The following AK5 variants were observed in gnomAD, a reference collection of about 807,000 sequenced individuals.
AK5 encodes the protein adenylate kinase 5.
Under a neutral mutation model 69.5 loss-of-function variants are expected in AK5, and 27 were observed. The ratio of observed to expected loss-of-function variants is 0.39; its 90% CI spans 0.29 to 0.54. AK5 has a LOEUF of 0.54. Ranked by LOEUF, AK5 falls within the 20% of genes least tolerant of loss-of-function variation. The pLI is 0.71. For missense variants in AK5, 531 were observed against 700.4 expected, an observed-to-expected ratio of 0.76 and a Z score of 2.73; for synonymous variants, 260 against 244.4, an observed-to-expected ratio of 1.06 and a Z score of -0.60.
At chr1:77,456,028 C>A (rs1653462055) in intron 8 of AK5, among the ~76,000 whole-genome samples, 1 of 152,182 alleles carries the variant, frequency 6.6e-6, no homozygotes, top group Non-Finnish European at 1.5e-5. Flanking sequence ...TGAAAGTAAC[C>A]CATAAAATCA....
intron 6 of AK5, among the ~76,000 whole-genome samples, chr1:77,353,624 C>G (rs1484637559): frequency 1.3e-5 from 2 of 152,236 alleles, no homozygotes; most frequent in East Asian, 1.9e-4. Context: ...ACCCACTCTG[C>G]GTCTCACTCT....
chr1:77,515,381 T>G, intron 10 of AK5, among the ~76,000 whole-genome samples: 1 of 151,730 alleles, frequency 6.6e-6, no homozygotes, highest in African/African-American at 2.4e-5. Context: ...AAGAAAGGAG[T>G]TTTAAGTATG....
intron 5 of AK5, among the ~76,000 whole-genome samples, chr1:77,301,422 G>A (rs1659335842): frequency 6.6e-6 from 1 of 152,212 alleles, no homozygotes; most frequent in Non-Finnish European, 1.5e-5. Context: ...GGAAGGCCGG[G>A]AAGTAGAGTC....
At chr1:77,391,267 T>C (rs79414222) in intron 6 of AK5, among the ~76,000 whole-genome samples, 12,700 of 151,432 alleles carry the variant, frequency 0.084, 709 homozygotes, top group South Asian at 0.17. Context: ...AGCAGTCCTC[T>C]AGAGAAGGGT....
intron 8 of AK5, among the ~76,000 whole-genome samples, chr1:77,422,965 C>T (rs1167965754): frequency 1.3e-5 from 2 of 152,050 alleles, no homozygotes; most frequent in African/African-American, 4.8e-5. Flanking sequence ...CCTGTAATCC[C>T]AGCACTTTGG....
intron 6 of AK5, among the ~76,000 whole-genome samples, chr1:77,368,538 ACT>A (rs1254368389): frequency 1.2e-4 from 18 of 151,240 alleles, no homozygotes; most frequent in Non-Finnish European, 1.9e-4. Flanking sequence ...ATCATTCCTG[ACT>A]CTGAATTCAT....
chr1:77,410,342 A>G (rs1649956748), intron 6 of AK5, among the ~76,000 whole-genome samples: 1 of 152,038 alleles, frequency 6.6e-6, no homozygotes, highest in African/African-American at 2.4e-5. Context: ...CAGCAGCGCC[A>G]TCTTGGCTCA....
intron 6 of AK5, among the ~76,000 whole-genome samples, chr1:77,359,549 G>T (rs1242195941): frequency 2.0e-5 from 3 of 151,638 alleles, no homozygotes; most frequent in Non-Finnish European, 2.9e-5. Context: ...AAAAAAAATG[G>T]ATAAAAATGG....
chr1:77,437,665 A>G (rs899669306), intron 8 of AK5, among the ~76,000 whole-genome samples: 4 of 152,176 alleles, frequency 2.6e-5, no homozygotes, highest in African/African-American at 9.6e-5. Context: ...AATTGTGTAG[A>G]AAAACAAAAT....
chr1:77,466,672 A>C (rs913572350), intron 8 of AK5, among the ~76,000 whole-genome samples: 9 of 152,198 alleles, frequency 5.9e-5, no homozygotes, highest in Admixed American at 5.9e-4. Context: ...GGAAACCAAG[A>C]TCAAGGTGCC....
chr1:77,410,642 A>G (rs1649981257), intron 6 of AK5, among the ~76,000 whole-genome samples: 1 of 152,162 alleles, frequency 6.6e-6, no homozygotes, highest in South Asian at 2.1e-4. Context: ...ACTGTTTAGA[A>G]CTATATATTT....
chr1:77,336,990 T>G (rs997498352), intron 5 of AK5, among the ~76,000 whole-genome samples: 2 of 152,182 alleles, frequency 1.3e-5, no homozygotes, highest in African/African-American at 4.8e-5. Flanking sequence ...TAACATTAAA[T>G]AGCTTAGCAG....
At chr1:77,368,568 T>C (rs1647063011) in intron 6 of AK5, among the ~76,000 whole-genome samples, 1 of 151,752 alleles carries the variant, frequency 6.6e-6, no homozygotes, top group Admixed American at 6.6e-5. Context: ...TGATAAGCAA[T>C]CATTTTCTTA....
At chr1:77,295,170 T>C (rs946684031) in intron 3 of AK5, among the ~76,000 whole-genome samples, 1 of 152,244 alleles carries the variant, frequency 6.6e-6, no homozygotes, top group African/African-American at 2.4e-5. Context: ...AGCAAAACTC[T>C]GGCATGAAAT....
intron 8 of AK5, among the ~76,000 whole-genome samples, chr1:77,471,727 A>C (rs1299137427): frequency 6.6e-6 from 1 of 152,248 alleles, no homozygotes; most frequent in Non-Finnish European, 1.5e-5. Context: ...ACCCCACAGC[A>C]AATTAAATTG....
intron 5 of AK5, among the ~76,000 whole-genome samples, chr1:77,325,275 G>T (rs561891405): frequency 6.6e-6 from 1 of 151,974 alleles, no homozygotes; most frequent in South Asian, 2.1e-4. Context: ...AAAGTGTTGG[G>T]ATTACAGGCA....
chr1:77,497,981 C>A (rs1430673659), intron 10 of AK5, among the ~76,000 whole-genome samples: 1 of 152,150 alleles, frequency 6.6e-6, no homozygotes, highest in African/African-American at 2.4e-5. Flanking sequence ...AATACAAGTT[C>A]TGGCTATAGA....
intron 10 of AK5, 106 bp downstream of exon 10, chr1:77,486,458 G>C: frequency 1.4e-6 from 1 of 691,660 alleles, no homozygotes; most frequent in Non-Finnish European, 2.4e-6. Flanking sequence ...CACTGTGGGA[G>C]GCCAAGGCGG....
chr1:77,290,802 A>T (rs1267457714), intron 2 of AK5, among the ~76,000 whole-genome samples: 1 of 152,224 alleles, frequency 6.6e-6, no homozygotes, highest in African/African-American at 2.4e-5. Context: ...TGTGTCAGAC[A>T]TTCTTTTAGG....
Sources: allele counts gnomAD v4.1 joint callset (sites outside exome capture counted in the v4.1 genomes callset), GRCh38; gene constraint gnomAD v4.1.1; transcripts MANE v1.5; gene names NCBI Gene and HGNC (gene_info 2026-07-23, HGNC 2026-07-21).